Variants in ZNF280D observed in about 807,000 individuals in gnomAD.
The protein encoded by ZNF280D is suppressor of hairy wing homolog 4.
A neutral mutation model predicts 94.7 loss-of-function variants in ZNF280D; 39 were observed. The ratio of observed to expected loss-of-function variants is 0.41; its 90% CI spans 0.32 to 0.54. ZNF280D has a LOEUF of 0.54. Among genes scored for constraint, ZNF280D ranks in the 20% least tolerant of loss-of-function variants. ZNF280D has a pLI of 0.22. For missense variants in ZNF280D, 1,090 were observed against 1,149.3 expected (o/e 0.95, Z 0.75); for synonymous variants, 398 against 377.6 (o/e 1.05, Z -0.63).
chr15:56,662,935 A>C (rs1416958042), intron 16 of ZNF280D, among the ~76,000 whole-genome samples: 2 of 151,958 alleles, frequency 1.3e-5, no homozygotes, highest in African/African-American at 4.8e-5. Context: ...ACTGAGAGGA[A>C]GGAACAGGGT....
intron 19 of ZNF280D, among the ~76,000 whole-genome samples, chr15:56,645,893 C>A (rs1041591180): frequency 2.0e-5 from 3 of 152,020 alleles, no homozygotes; most frequent in African/African-American, 7.2e-5. Context: ...GTAGTATGTT[C>A]CTTTGAGGTT....
intron 4 of ZNF280D, among the ~76,000 whole-genome samples, chr15:56,701,614 C>CT (rs1410050879): frequency 6.6e-6 from 1 of 152,036 alleles, no homozygotes; most frequent in Non-Finnish European, 1.5e-5. Context: ...AAATGTATAT[C>CT]TTTCTTTGCA....
intron 1 of ZNF280D, among the ~76,000 whole-genome samples, chr15:56,731,118 A>G (rs1241426034): frequency 6.6e-6 from 1 of 152,198 alleles, no homozygotes; most frequent in African/African-American, 2.4e-5. Flanking sequence ...CAGAGAGGAT[A>G]GGGGGAACAA....
At chr15:56,720,715 A>C (rs1476556170) in intron 1 of ZNF280D, among the ~76,000 whole-genome samples, 3 of 152,206 alleles carry the variant, frequency 2.0e-5, no homozygotes, top group Admixed American at 2.0e-4. Flanking sequence ...TTGTGTTAGC[A>C]AACATGAAAA....
chr15:56,683,417 A>G (rs1302865177), intron 9 of ZNF280D, among the ~76,000 whole-genome samples: 1 of 152,160 alleles, frequency 6.6e-6, no homozygotes, highest in Admixed American at 6.6e-5. Context: ...CTGTGGTACA[A>G]TATCAACTGG....
intron 1 of ZNF280D, among the ~76,000 whole-genome samples, chr15:56,713,921 T>C (rs1201042638): frequency 6.6e-6 from 1 of 152,184 alleles, no homozygotes; most frequent in Non-Finnish European, 1.5e-5. Flanking sequence ...CAAATCTGTG[T>C]GATAGAAAAT....
rs2054698700 is a variant in ZNF280D at position 56,669,965 on chromosome 15, T to TATA, written c.1411-1011_1411-1009dup. ...ATATATATATTATATATATATATTA[T>TATA]ATATATATAATATATATATTATATA... is the stretch of plus-strand genomic sequence containing the variant. On this transcript the variant is annotated intron_variant, in intron 13 of 21. Coordinates refer to ENST00000267807, the MANE Select transcript of ZNF280D (RefSeq NM_017661.4). Among the ~76,000 whole-genome samples, 5 of 1,788 alleles carry TATA rather than the reference T, an allele frequency of 2.8e-3. 2 individuals are homozygous for TATA. The highest frequency in any genetic ancestry group is 9.6e-3 in the African/African-American group (5 of 522). 1.2% of individuals were successfully genotyped at this position (1,788 alleles called of 152,430 possible). A position where few individuals can be genotyped will look rare whatever the true frequency, so the allele number is the denominator to read the frequency against.
chr15:56,678,986 C>CT (rs1267739186), intron 10 of ZNF280D, among the ~76,000 whole-genome samples, 165 bp from the exon 11 acceptor site: 1 of 152,188 alleles, frequency 6.6e-6, no homozygotes, highest in East Asian at 1.9e-4. Flanking sequence ...TAATCACTTT[C>CT]TTTAAGTGGC....
At chr15:56,705,543 T>G (rs573362093) in intron 3 of ZNF280D, among the ~76,000 whole-genome samples, 1 of 152,190 alleles carries the variant, frequency 6.6e-6, no homozygotes, top group Non-Finnish European at 1.5e-5. Flanking sequence ...AAGTATGATA[T>G]CTACCTAATA....
At chr15:56,686,343 T>C (rs1488680886) in intron 9 of ZNF280D, among the ~76,000 whole-genome samples, 4 of 152,164 alleles carry the variant, frequency 2.6e-5, no homozygotes, top group Non-Finnish European at 5.9e-5. Context: ...TTCACTATGT[T>C]GGCCAGGCTG....
At chr15:56,649,852 G>T (rs1409090095) in intron 19 of ZNF280D, among the ~76,000 whole-genome samples, 20 of 151,942 alleles carry the variant, frequency 1.3e-4, no homozygotes, top group Admixed American at 1.3e-3. Context: ...TATAGAAAAA[G>T]GCTGCCATTC....
In ZNF280D at chr15:56,717,269, T is replaced by TG. The variant is rs563063444; in HGVS notation, c.-85-9964dup. Among the ~76,000 whole-genome samples the TG allele has an allele frequency of 4.6e-5, 7 of 152,208 alleles. No homozygotes were observed. The South Asian group carries it at 1.5e-3, about 32-fold the overall frequency. On this transcript the variant is annotated intron_variant, in intron 1 of 21. Transcript: ENST00000267807. ...GATGCTGGGTGGCAAAAATAACAGATGTCCACTACAAGGAATTCAGAACTA... is the reference window on the plus strand; with the variant it reads ...GATGCTGGGTGGCAAAAATAACAGATGGTCCACTACAAGGAATTCAGAACTA...
At chr15:56,633,010 C>G (rs189713746) in intron 21 of ZNF280D, among the ~76,000 whole-genome samples, 58 of 151,900 alleles carry the variant, frequency 3.8e-4, no homozygotes, top group Admixed American at 3.7e-3. Flanking sequence ...TCTTCTGGCC[C>G]TGAAGTGTTA....
chr15:56,653,220 A>G, intron 19 of ZNF280D: 1 of 1,108,484 alleles, frequency 9.0e-7, no homozygotes, highest in East Asian at 5.0e-5. Context: ...CATGCTAGAG[A>G]AAGATTTAAA....
Position 56,632,950 on chromosome 15 carries a change from AGT to A in ZNF280D, c.2316-830_2316-829del, listed in dbSNP as rs1205761848. 5.3e-5 allele frequency among the ~76,000 whole-genome samples: 8 copies of A among 152,046 alleles called. No homozygotes were observed. In the East Asian group the frequency reaches 5.8e-4, roughly 11 times the overall value. On this transcript the variant is annotated intron_variant, in intron 21 of 21. Coordinates refer to ENST00000267807, the MANE Select transcript of ZNF280D (RefSeq NM_017661.4). Reference sequence around the variant, plus strand: ...AATATATAACATACATACACATCTAAGTGTGTGTGCATGTTTGTACACATATA... The same window carrying A: ...AATATATAACATACATACACATCTAAGTGTGTGCATGTTTGTACACATATA...
At position 56,678,652 on chromosome 15, in the gene ZNF280D, T is replaced by C. The variant is rs754887400; in HGVS notation, c.1162+12A>G. On this transcript the variant is annotated intron_variant, in intron 11 of 21. Coordinates refer to ENST00000267807, the MANE Select transcript of ZNF280D (RefSeq NM_017661.4). ...CAATAATATGGAATATTTAAATGTA[T>C]TGGTAACTTACTAGAAAATTCATGG... 5 of 1,569,920 alleles carry C rather than the reference T, an allele frequency of 3.2e-6. No individual in the cohort carries two copies. The Admixed American group carries it at 7.4e-5, about 23-fold the overall frequency.
At chr15:56,697,515 A>C (rs903835585) in intron 6 of ZNF280D, among the ~76,000 whole-genome samples, 12 of 152,198 alleles carry the variant, frequency 7.9e-5, no homozygotes, top group Non-Finnish European at 1.6e-4. Flanking sequence ...CATTAGAAAT[A>C]GCCTGTAGAA....
chr15:56,707,342 T>G, intron 1 of ZNF280D, 36 bp from the exon 2 acceptor site: 4 of 1,497,578 alleles, frequency 2.7e-6, no homozygotes, highest in Non-Finnish European at 3.6e-6. Context: ...AGGGTGGACT[T>G]CATTAAATTA....
chr15:56,723,501 C>T (rs1461695767), intron 1 of ZNF280D, among the ~76,000 whole-genome samples: 2 of 152,014 alleles, frequency 1.3e-5, no homozygotes, highest in Non-Finnish European at 2.9e-5. Context: ...GCCAGTGAAC[C>T]GTATATTTTT....
Sources: gnomAD v4.1 joint callset for allele counts (sites outside exome capture counted in the v4.1 genomes callset) on GRCh38, gnomAD v4.1.1 for gene constraint, MANE v1.5 for transcripts, NCBI Gene and HGNC (gene_info 2026-07-23, HGNC 2026-07-21) for gene names.